Variants in FAM53C observed in about 807,000 individuals in gnomAD.
FAM53C encodes protein FAM53C.
FAM53C carries 10 observed loss-of-function variants against 34.7 expected under a neutral mutation model. The ratio of observed to expected loss-of-function variants is 0.29; its 90% CI spans 0.18 to 0.49. FAM53C has a LOEUF of 0.49. FAM53C is among the 20% of genes least tolerant of loss of function. FAM53C has a pLI of 0.99. For synonymous variants in FAM53C, 203 were observed against 203.6 expected, an observed-to-expected ratio of 1.00 and a Z score of 0.03; for missense variants, 442 against 515.3, an observed-to-expected ratio of 0.86 and a Z score of 1.38.
chr5:138,348,925 C>G lies in FAM53C; in HGVS notation c.*1966C>G, dbSNP rs528433043. ...GCTCTCTGCTGTAGATTGGCTGTGCCAGCTTCCAACAGGTTACTGGCAATG... is the reference window on the plus strand; with the variant it reads ...GCTCTCTGCTGTAGATTGGCTGTGCGAGCTTCCAACAGGTTACTGGCAATG... On this transcript the variant is annotated 3_prime_UTR_variant, in exon 5 of 5. Coordinates refer to ENST00000239906, the MANE Select transcript of FAM53C (RefSeq NM_016605.3). The G allele has an allele frequency of 2.6e-5, 4 of 152,272 alleles. No homozygotes were observed. Among genetic ancestry groups the G allele is most frequent in the Non-Finnish European group, 5.9e-5 (4 of 68,058 alleles). The allele number at this position is 152,272 out of a possible 1,614,324, so 9.4% of individuals were successfully genotyped here. A position where few individuals can be genotyped will look rare whatever the true frequency, so the allele number is the denominator to read the frequency against.
At chr5:138,341,031 G>C (rs778568449) in intron 1 of FAM53C, 153 bp from the exon 2 acceptor site, 1 of 431,896 alleles carries the variant, frequency 2.3e-6, no homozygotes, top group Non-Finnish European at 4.4e-6. Context: ...AATTTCTGAA[G>C]CTGTGTTTAG....
At position 138,347,174 on chromosome 5, in the gene FAM53C, C is replaced by A; in HGVS notation, c.*215C>A. 1.5e-6 allele frequency: 1 copy of A among 649,654 alleles called. No homozygotes were observed. The highest frequency in any genetic ancestry group is 2.6e-6 in the Non-Finnish European group (1 of 386,292). 40.2% of individuals were successfully genotyped at this position (649,654 alleles called of 1,614,324 possible). A position where few individuals can be genotyped will look rare whatever the true frequency, so the allele number is the denominator to read the frequency against. On this transcript the variant is annotated 3_prime_UTR_variant, in exon 5 of 5. Coordinates refer to ENST00000239906, the MANE Select transcript of FAM53C (RefSeq NM_016605.3). The stretch of plus-strand genomic sequence containing the variant: ...CGGAGCTGGTGGCGGGAGGGACAGC[C>A]CCAGAGCAGACCCTTCCTATGGCGG...
At chr5:138,344,781 T>C in intron 3 of FAM53C, 44 bp from the exon 4 acceptor site, 1 of 1,468,832 alleles carries the variant, frequency 6.8e-7, no homozygotes, top group Non-Finnish European at 9.1e-7. Context: ...TCTTAAAAAA[T>C]GTAAGCTATC....
intron 3 of FAM53C, chr5:138,343,843 C>T (rs1761098618): frequency 6.6e-6 from 1 of 152,214 alleles, no homozygotes; most frequent in Non-Finnish European, 1.5e-5. Context: ...AAGTATAGAG[C>T]AGGAACTCAT....
In FAM53C at chr5:138,343,555, T is replaced by G. The variant is rs1271723403; in HGVS notation, c.137-1270T>G. Among the ~76,000 whole-genome samples the G allele has an allele frequency of 2.0e-5, 3 of 152,070 alleles. No individual in the cohort carries two copies. In the East Asian group the frequency reaches 5.8e-4, roughly 29 times the overall value. ...AAAAAAGAAACTGTAGTGAATAACC[T>G]TGTACATATGTCATTTTTTCACATG... On this transcript the variant is annotated intron_variant, in intron 3 of 4. Coordinates refer to ENST00000239906, the MANE Select transcript of FAM53C (RefSeq NM_016605.3).
In FAM53C at chr5:138,346,857, G is replaced by A. The variant is rs1761193171; in HGVS notation, c.1077G>A (p.Glu359=). The A allele has an allele frequency of 6.2e-7, 1 of 1,614,074 alleles. No individual in the cohort carries two copies. Among genetic ancestry groups the A allele is most frequent in the Admixed American group, 1.7e-5 (1 of 60,016 alleles). ...AGGTGCTGAGTGAAAGCGAAGAGGA[G>A]GAGGAGGGGGCTGTGCGGTGGGGTC... ...SSQVLSESEE[E]EEGAVRWGRQ... The change falls in exon 5 of 5, where the codon GAG becomes GAA. Residue 359 remains glutamate (E), a synonymous_variant. Coordinates refer to ENST00000239906, the MANE Select transcript of FAM53C (RefSeq NM_016605.3).
At position 138,345,155 on chromosome 5, in the gene FAM53C, C is replaced by T. The variant is rs528140489; in HGVS notation, c.467C>T (p.Pro156Leu). Residue 156 changes from proline to leucine, a missense_variant, in exon 4 of 5, where the codon CCG (proline) becomes CTG (leucine). By Grantham distance (98) the Pro-to-Leu change is moderately conservative (BLOSUM62 -3). Transcript: ENST00000239906. The surrounding 1 kb of genome is among the most constrained non-coding windows in gnomAD (Gnocchi z 6.3). ...CGGGGCAGTGGTGGAGGGGGTGGGC[C>T]GCAGGTGCCTCACCAGAGCCCCCCA... is the stretch of plus-strand genomic sequence containing the variant. ...KHRGSGGGGG[P>L]QVPHQSPPKR... The T allele has an allele frequency of 9.3e-6, 15 of 1,614,160 alleles. No homozygotes were observed. Among genetic ancestry groups the T allele is most frequent in the East Asian group, 8.9e-5 (4 of 44,880 alleles).
At position 138,346,788 on chromosome 5, in the gene FAM53C, C is replaced by T. The variant is rs1470643181; in HGVS notation, c.1008C>T (p.Pro336=). 2 of 1,614,174 alleles carry T rather than the reference C, an allele frequency of 1.2e-6. No individual in the cohort carries two copies. Among genetic ancestry groups the T allele is most frequent in the East Asian group, 4.5e-5 (2 of 44,886 alleles). Reference sequence around the variant, plus strand: ...CACCATGGTTCATGGCCTGTAGCCCCCCACCCCTCTCTGCTTCCTGCAGCC... The same window carrying T: ...CACCATGGTTCATGGCCTGTAGCCCTCCACCCCTCTCTGCTTCCTGCAGCC... ...ISPPWFMACS[P]PPLSASCSPT... Residue 336 remains proline (P), a synonymous_variant, in exon 5 of 5, where the codon CCC becomes CCT. Coordinates refer to ENST00000239906, the MANE Select transcript of FAM53C (RefSeq NM_016605.3).
rs1216411373 is a variant in FAM53C at position 138,349,236 on chromosome 5, A to T, written c.*2277A>T. 2 of 152,676 alleles carry T rather than the reference A, an allele frequency of 1.3e-5. No individual in the cohort carries two copies. The highest frequency in any genetic ancestry group is 2.9e-5 in the Non-Finnish European group (2 of 68,046). 9.5% of individuals were successfully genotyped at this position (152,676 alleles called of 1,614,324 possible). A position where few individuals can be genotyped will look rare whatever the true frequency, so the allele number is the denominator to read the frequency against. ...CTGTGTAAACCAAATGCTATTTTTC[A>T]ATGCATTTGGACTGCTGACCATTTA... On this transcript the variant is annotated 3_prime_UTR_variant, in exon 5 of 5. Transcript: ENST00000239906.
chr5:138,344,000 G>A (rs2126888325), intron 3 of FAM53C, among the ~76,000 whole-genome samples: 1 of 152,306 alleles, frequency 6.6e-6, no homozygotes, highest in South Asian at 2.1e-4. Context: ...CAGCTAGCCA[G>A]AGGAGTTTGG....
Position 138,338,495 on chromosome 5 carries a change from C to T in FAM53C, c.-153+188C>T, listed in dbSNP as rs113789552. 1,440 of 293,164 alleles carry T rather than the reference C, an allele frequency of 4.9e-3. 29 individuals carry two copies. The highest frequency in any genetic ancestry group is 0.032 in the African/African-American group (1,353 of 42,432). The allele number at this position is 293,164 out of a possible 1,614,324, so 18.2% of individuals were successfully genotyped here. On this transcript the variant is annotated intron_variant, in intron 1 of 4. Transcript: ENST00000239906. Reference sequence around the variant, plus strand: ...CGGAGTGCTAAGTCCCAGACCCTCCCCATCCCCTGCGTCCTGAGTTCGCTT... The same window carrying T: ...CGGAGTGCTAAGTCCCAGACCCTCCTCATCCCCTGCGTCCTGAGTTCGCTT...
chr5:138,341,255 C>T lies in FAM53C; in HGVS notation c.-81C>T, dbSNP rs1761024472. ...GGTGCTGCAGTGGCAGAAGACGGCT[C>T]ACAAGTGAGGTCTGGAAGAACAACA... On this transcript the variant is annotated 5_prime_UTR_variant, in exon 2 of 5. Transcript: ENST00000239906. 4 of 1,214,272 alleles carry T rather than the reference C, an allele frequency of 3.3e-6. 1 individual carries two copies. The East Asian group carries it at 7.0e-5, about 21-fold the overall frequency. The allele number at this position is 1,214,272 out of a possible 1,614,324, so 75.2% of individuals were successfully genotyped here.
rs1761232313 is a variant in FAM53C, at chr5:138,348,164, G to C, written c.*1205G>C. ...CACTCCTGCCAGGAAGTGTTTATTT[G>C]CCTCTAATTGGGCCTGAGAGACCAT... On this transcript the variant is annotated 3_prime_UTR_variant, in exon 5 of 5. Transcript: ENST00000239906. 6.5e-6 allele frequency: 1 copy of C among 152,706 alleles called. No individual in the cohort carries two copies. The highest frequency in any genetic ancestry group is 6.5e-5 in the Admixed American group (1 of 15,286). 9.5% of individuals were successfully genotyped at this position (152,706 alleles called of 1,614,324 possible).
intron 1 of FAM53C, 130 bp from the exon 2 acceptor site, chr5:138,341,054 A>G (rs1402346280): frequency 2.0e-6 from 1 of 501,664 alleles, no homozygotes. Flanking sequence ...TTAGCTGGAA[A>G]GAGCTGTGAT....
intron 2 of FAM53C, 46 bp downstream of exon 2, chr5:138,341,459 T>A (rs1455531053): frequency 4.0e-6 from 6 of 1,489,972 alleles, no homozygotes; most frequent in East Asian, 2.3e-5. Context: ...CTCCCCCTTT[T>A]TTCTGAGGCT....
chr5:138,341,935 T>A, intron 3 of FAM53C, 69 bp downstream of exon 3: 3 of 1,507,858 alleles, frequency 2.0e-6, no homozygotes, highest in East Asian at 2.3e-5. Context: ...CTATCATTGG[T>A]TTCCAGTGAC....
rs1580854609 is a variant in FAM53C, at chr5:138,341,956, G to A, written c.136+90G>A. On this transcript the variant is annotated intron_variant, in intron 3 of 4. Transcript: ENST00000239906. Reference sequence around the variant, plus strand: ...TTGGTTTCCAGTGACCAGGGCTAGCGAGCCTACCTCTAGAACCTTCTTGCC... The same window carrying A: ...TTGGTTTCCAGTGACCAGGGCTAGCAAGCCTACCTCTAGAACCTTCTTGCC... 7.7e-6 allele frequency: 10 copies of A among 1,305,426 alleles called. No homozygotes were observed. The East Asian group carries it at 1.6e-4, about 21-fold the overall frequency. 80.9% of individuals were successfully genotyped at this position (1,305,426 alleles called of 1,614,324 possible). A position where few individuals can be genotyped will look rare whatever the true frequency, so the allele number is the denominator to read the frequency against.
At position 138,338,282 on chromosome 5, in the gene FAM53C, C is replaced by T. The variant is rs1760865084; in HGVS notation, c.-178C>T. 2 of 869,082 alleles carry T rather than the reference C, an allele frequency of 2.3e-6. No individual in the cohort carries two copies. Among genetic ancestry groups the T allele is most frequent in the Non-Finnish European group, 3.3e-6 (2 of 606,090 alleles). The allele number at this position is 869,082 out of a possible 1,614,324, so 53.8% of individuals were successfully genotyped here. On this transcript the variant is annotated 5_prime_UTR_variant, in exon 1 of 5. Transcript: ENST00000239906. ...CGAGCGCTCAGAGCTGCTCCGGCCG[C>T]GGCCCTGGGAGCTGGAGGAACCGCG...
In FAM53C at chr5:138,347,293, T is replaced by G. The variant is rs1415197243; in HGVS notation, c.*334T>G. The G allele has an allele frequency of 2.9e-6, 1 of 347,844 alleles. No individual in the cohort carries two copies. Among genetic ancestry groups the G allele is most frequent in the Non-Finnish European group, 5.4e-6 (1 of 186,602 alleles). The allele number at this position is 347,844 out of a possible 1,614,324, so 21.5% of individuals were successfully genotyped here. A position where few individuals can be genotyped will look rare whatever the true frequency, so the allele number is the denominator to read the frequency against. On this transcript the variant is annotated 3_prime_UTR_variant, in exon 5 of 5. Coordinates refer to ENST00000239906, the MANE Select transcript of FAM53C (RefSeq NM_016605.3). ...GCTCGGGGAATTTCACTAGCCCCTT[T>G]GCTTCAAAGGGCACTTGTGTCTTAG...
Sources: allele counts gnomAD v4.1 joint callset (sites outside exome capture counted in the v4.1 genomes callset), GRCh38; gene constraint gnomAD v4.1.1; non-coding constraint Gnocchi (gnomAD v3.1); transcripts MANE v1.5; gene names NCBI Gene and HGNC (gene_info 2026-07-23, HGNC 2026-07-21).